The following PLXNA4 variants were observed in gnomAD, a reference collection of about 807,000 sequenced individuals.
PLXNA4 encodes plexin A4.
Under a neutral mutation model 191.8 loss-of-function variants are expected in PLXNA4, and 44 were observed. The ratio of observed to expected loss-of-function variants is 0.23; its 90% CI spans 0.18 to 0.29. The LOEUF is 0.29. Among genes scored for constraint, PLXNA4 ranks in the 10% least tolerant of loss-of-function variants. The pLI, the probability that PLXNA4 is intolerant of heterozygous loss-of-function variation, is 1.00. For synonymous variants in PLXNA4, 1,082 were observed against 1,009.5 expected, an observed-to-expected ratio of 1.07 and a Z score of -1.36; for missense variants, 1,800 against 2,488.8, an observed-to-expected ratio of 0.72 and a Z score of 5.89.
At chr7:132,176,960 CGTGAGTGT>C (rs377022766) in intron 20 of PLXNA4, among the ~76,000 whole-genome samples, 97 of 150,776 alleles carry the variant, frequency 6.4e-4, no homozygotes, top group African/African-American at 2.2e-3. Flanking sequence ...AAGTTGAGTG[CGTGAGTGT>C]ATGAGTGTGC....
intron 3 of PLXNA4, chr7:132,484,972 C>T (rs1175305095): frequency 6.2e-7 from 1 of 1,614,186 alleles, no homozygotes; most frequent in South Asian, 1.1e-5. Flanking sequence ...CCACTCCAAT[C>T]CACTCCTGGG....
At chr7:132,397,202 T>G (rs894837327) in intron 3 of PLXNA4, among the ~76,000 whole-genome samples, 2 of 152,250 alleles carry the variant, frequency 1.3e-5, no homozygotes, top group African/African-American at 4.8e-5. Flanking sequence ...AGACAGTGTT[T>G]AACATCAAGA....
chr7:132,438,309 A>G (rs978639995), intron 3 of PLXNA4, among the ~76,000 whole-genome samples: 1 of 152,216 alleles, frequency 6.6e-6, no homozygotes, highest in African/African-American at 2.4e-5. Flanking sequence ...CTTTGATGAC[A>G]TAATCCATGA....
chr7:132,265,709 G>A (rs1040713367), intron 4 of PLXNA4, among the ~76,000 whole-genome samples: 1 of 152,152 alleles, frequency 6.6e-6, no homozygotes, highest in Non-Finnish European at 1.5e-5. Flanking sequence ...ATGTGAATCT[G>A]GGTAGTCCCT....
intron 3 of PLXNA4, among the ~76,000 whole-genome samples, chr7:132,302,258 C>T (rs1007860600): frequency 6.6e-6 from 1 of 152,026 alleles, no homozygotes; most frequent in Non-Finnish European, 1.5e-5. Context: ...ATTCTAAACT[C>T]TTTGGGACAG....
chr7:132,532,948 G>A (rs1799680794), intron 1 of PLXNA4, among the ~76,000 whole-genome samples: 1 of 152,220 alleles, frequency 6.6e-6, no homozygotes, highest in African/African-American at 2.4e-5. Flanking sequence ...AAACAGAGAT[G>A]ACAGTAGGAT....
chr7:132,555,066 A>AAAAAAACAAAAAAAAC (rs1800739613), intron 1 of PLXNA4, among the ~76,000 whole-genome samples: 1 of 151,854 alleles, frequency 6.6e-6, no homozygotes, highest in Non-Finnish European at 1.5e-5. Context: ...ACAAAAAAAA[A>AAAAAAACAAAAAAAAC]ACAGTAACCA....
At chr7:132,312,962 G>C (rs1414317326) in intron 3 of PLXNA4, among the ~76,000 whole-genome samples, 1 of 152,180 alleles carries the variant, frequency 6.6e-6, no homozygotes, top group Non-Finnish European at 1.5e-5. Flanking sequence ...TGGCAAAGGA[G>C]AGAGGGAAGG....
At chr7:132,542,961 C>A (rs147383896) in intron 1 of PLXNA4, among the ~76,000 whole-genome samples, 1 of 152,094 alleles carries the variant, frequency 6.6e-6, no homozygotes, top group South Asian at 2.1e-4. Flanking sequence ...CTGATAATTG[C>A]ACTGGAAATT....
intron 3 of PLXNA4, among the ~76,000 whole-genome samples, chr7:132,352,946 A>G (rs956643601): frequency 6.6e-6 from 1 of 152,192 alleles, no homozygotes; most frequent in East Asian, 1.9e-4. Context: ...AGAGACAAGT[A>G]TGTATGAAAT....
At chr7:132,510,937 A>C (rs17224988) in intron 1 of PLXNA4, among the ~76,000 whole-genome samples, 2,559 of 152,346 alleles carry the variant, frequency 0.017, 36 homozygotes, top group Middle Eastern at 0.031. Context: ...ACTGAAATGC[A>C]CAGTGTTGAA....
intron 3 of PLXNA4, among the ~76,000 whole-genome samples, chr7:132,386,974 A>T (rs1412836432): frequency 6.6e-6 from 1 of 152,250 alleles, no homozygotes; most frequent in Non-Finnish European, 1.5e-5. Flanking sequence ...ACAAATTACT[A>T]GAAGAGTGAA....
intron 13 of PLXNA4, among the ~76,000 whole-genome samples, chr7:132,194,896 G>A (rs1333204102): frequency 1.3e-5 from 2 of 151,890 alleles, no homozygotes; most frequent in East Asian, 1.9e-4. Flanking sequence ...TTAAGTGTGT[G>A]TATATGTATG....
chr7:132,292,300 G>A (rs1216249725), intron 4 of PLXNA4, among the ~76,000 whole-genome samples: 1 of 152,192 alleles, frequency 6.6e-6, no homozygotes, highest in Non-Finnish European at 1.5e-5. Flanking sequence ...GTGGCAGAGA[G>A]CAGCATCTCC....
chr7:132,295,882 T>A (rs1423948987), intron 4 of PLXNA4, among the ~76,000 whole-genome samples: 2 of 152,182 alleles, frequency 1.3e-5, no homozygotes, highest in African/African-American at 4.8e-5. Context: ...TCTCATTCAA[T>A]TCTTGGAAAA....
rs375687121 is a variant in PLXNA4, at chr7:132,436,036, G to A, written c.1371+53256C>T. Among the ~76,000 whole-genome samples the A allele has an allele frequency of 3.2e-4, 48 of 152,348 alleles. No homozygotes were observed. In the South Asian group the frequency reaches 3.5e-3, roughly 11 times the overall value. On this transcript the variant is annotated intron_variant, in intron 3 of 31. Transcript: ENST00000321063. ...TCCTCACAGACTTCTCCAGTTCCCA[G>A]AAAATGATGGGTGACTTCTAGGTTT...
intron 31 of PLXNA4, among the ~76,000 whole-genome samples, chr7:132,131,748 T>A (rs1794933634): frequency 6.6e-6 from 1 of 152,238 alleles, no homozygotes; most frequent in African/African-American, 2.4e-5. Context: ...GTGCACACTA[T>A]AGCATCCTTA....
chr7:132,269,662 ATCT>A (rs1373414507), intron 4 of PLXNA4, among the ~76,000 whole-genome samples: 2 of 151,834 alleles, frequency 1.3e-5, no homozygotes, highest in Admixed American at 1.3e-4. Flanking sequence ...CCAAAAAAAG[ATCT>A]TTTTTTTTTT....
chr7:132,485,847 C>A (rs909937175), intron 3 of PLXNA4, among the ~76,000 whole-genome samples: 8 of 152,172 alleles, frequency 5.3e-5, no homozygotes, highest in African/African-American at 2.4e-5. Flanking sequence ...CACCTCCTTT[C>A]CCCCCGCTTC....
Sources: allele counts gnomAD v4.1 joint callset (sites outside exome capture counted in the v4.1 genomes callset), GRCh38; gene constraint gnomAD v4.1.1; transcripts MANE v1.5; gene names NCBI Gene and HGNC (gene_info 2026-07-23, HGNC 2026-07-21).